SHLD1: variants seen among roughly 807,000 people sequenced by gnomAD.
SHLD1 encodes the protein RINN1-REV7-interacting novel NHEJ regulator 3.
A neutral mutation model predicts 5.5 loss-of-function variants in SHLD1; 3 were observed. That is an observed-to-expected ratio of 0.54 (90% CI 0.25 to 1.40). The LOEUF (loss-of-function observed/expected upper bound fraction) is 1.40, where lower values mean the gene tolerates loss of function less well. Ranked by LOEUF, SHLD1 falls within the 40% of genes most tolerant of loss-of-function variation. The pLI is 0.15. For synonymous variants in SHLD1, 92 were observed against 94.3 expected (o/e 0.98, Z 0.14); for missense variants, 210 against 244.4 (o/e 0.86, Z 0.94).
intron 2 of SHLD1, among the ~76,000 whole-genome samples, chr20:5,827,554 G>GC (rs1253020085): frequency 1.3e-5 from 2 of 152,040 alleles, no homozygotes; most frequent in Non-Finnish European, 2.9e-5. Flanking sequence ...TCACCCACAG[G>GC]CCCCCCATCT....
At chr20:5,848,614 G>GTTCA (rs1007781671) in intron 2 of SHLD1, among the ~76,000 whole-genome samples, 1 of 152,190 alleles carries the variant, frequency 6.6e-6, no homozygotes, top group Non-Finnish European at 1.5e-5. Flanking sequence ...AGGACAATGT[G>GTTCA]TTCATTGCCA....
chr20:5,795,525 G>A (rs542866158), intron 2 of SHLD1, among the ~76,000 whole-genome samples: 33 of 149,048 alleles, frequency 2.2e-4, no homozygotes, highest in African/African-American at 8.2e-4. Context: ...CTTGAACCCG[G>A]GAGGCAGAGG....
At chr20:5,819,881 T>A (rs756257689) in intron 2 of SHLD1, among the ~76,000 whole-genome samples, 10 of 152,046 alleles carry the variant, frequency 6.6e-5, no homozygotes, top group Non-Finnish European at 1.3e-4. Flanking sequence ...ACCTTTGTGT[T>A]GTGCCTAAAA....
intron 2 of SHLD1, among the ~76,000 whole-genome samples, chr20:5,801,945 T>C (rs969781868): frequency 4.6e-5 from 7 of 152,084 alleles, no homozygotes; most frequent in African/African-American, 7.2e-5. Flanking sequence ...GTACTGTGTG[T>C]GCTACATTGG....
At chr20:5,764,348 A>G (rs1000150047) in intron 1 of SHLD1, among the ~76,000 whole-genome samples, 4 of 150,332 alleles carry the variant, frequency 2.7e-5, no homozygotes, top group Non-Finnish European at 4.4e-5. Flanking sequence ...ACAAATGAGT[A>G]TGGTTCTCCA....
chr20:5,783,343 C>T (rs1364712483), intron 2 of SHLD1, among the ~76,000 whole-genome samples: 2 of 152,154 alleles, frequency 1.3e-5, no homozygotes, highest in African/African-American at 2.4e-5. Flanking sequence ...CCTGCCTCAG[C>T]CTCCCGAGTA....
At chr20:5,779,632 A>T (rs1985596946) in intron 2 of SHLD1, among the ~76,000 whole-genome samples, 1 of 152,118 alleles carries the variant, frequency 6.6e-6, no homozygotes. Context: ...TCTCTTGCTT[A>T]CTTGCTGTTA....
intron 2 of SHLD1, among the ~76,000 whole-genome samples, chr20:5,819,527 A>C (rs1329824031): frequency 6.6e-6 from 1 of 152,210 alleles, no homozygotes; most frequent in African/African-American, 2.4e-5. Context: ...TTGTCATATT[A>C]AAACATCATG....
chr20:5,796,954 C>T (rs1456732795), intron 2 of SHLD1, among the ~76,000 whole-genome samples: 1 of 151,982 alleles, frequency 6.6e-6, no homozygotes, highest in African/African-American at 2.4e-5. Flanking sequence ...CTTCAACAGG[C>T]ATGAGAAGCT....
At chr20:5,794,759 T>C (rs1217868232) in intron 2 of SHLD1, among the ~76,000 whole-genome samples, 1 of 152,164 alleles carries the variant, frequency 6.6e-6, no homozygotes, top group Non-Finnish European at 1.5e-5. Flanking sequence ...GAGACTGTAT[T>C]AGATACTATG....
Position 5,863,273 on chromosome 20 carries a change from G to A in SHLD1, c.428G>A (p.Arg143His), listed in dbSNP as rs749245274. 29 of 1,614,018 alleles carry A rather than the reference G, an allele frequency of 1.8e-5. No individual in the cohort carries two copies. The highest frequency in any genetic ancestry group is 4.5e-5 in the East Asian group (2 of 44,896). Residue 143 changes from arginine to histidine, a missense_variant, in exon 3 of 3, where the codon CGC (arginine) becomes CAC (histidine). By Grantham distance (29) the Arg-to-His change is conservative. Coordinates refer to ENST00000303142, the MANE Select transcript of SHLD1 (RefSeq NM_152504.4). ...RGQESQKYAL[R>H]SFQMARVIFN... ...CAGGAGAGCCAAAAGTATGCCCTCC[G>A]CAGTTTTCAAATGGCCCGGGTGATC... is the stretch of plus-strand genomic sequence containing the variant.
intron 2 of SHLD1, among the ~76,000 whole-genome samples, chr20:5,774,676 C>T (rs1179093799): frequency 1.3e-5 from 2 of 152,074 alleles, no homozygotes; most frequent in African/African-American, 4.8e-5. Flanking sequence ...TTTTAAACAA[C>T]CAGATCTCAT....
At chr20:5,779,616 A>G (rs1458878704) in intron 2 of SHLD1, among the ~76,000 whole-genome samples, 2 of 152,092 alleles carry the variant, frequency 1.3e-5, no homozygotes, top group East Asian at 3.9e-4. Context: ...AGCCAGTTTG[A>G]TGTTCTCTCT....
intron 2 of SHLD1, among the ~76,000 whole-genome samples, chr20:5,781,077 T>G (rs900778419): frequency 2.1e-5 from 3 of 144,304 alleles, no homozygotes; most frequent in Non-Finnish European, 4.8e-5. Flanking sequence ...TATATATGTC[T>G]AATAAAGACA....
intron 2 of SHLD1, among the ~76,000 whole-genome samples, chr20:5,812,911 G>A (rs2087479140): frequency 6.6e-6 from 1 of 151,944 alleles, no homozygotes; most frequent in African/African-American, 2.4e-5. Flanking sequence ...GTCTCACTCT[G>A]TCACCCAGGC....
Position 5,760,583 on chromosome 20 carries a change from T to C in SHLD1, c.-5+10104T>C, listed in dbSNP as rs1442782036. On this transcript the variant is annotated intron_variant, in intron 1 of 2. Transcript: ENST00000303142. ...TGGCTTGCACCTGTAGTCCTGGCTA[T>C]CCGGGAGGCTGAGGCAGGAGAATTG... 2.0e-5 allele frequency among the ~76,000 whole-genome samples: 3 copies of C among 151,574 alleles called. No individual in the cohort carries two copies. The East Asian group carries it at 5.8e-4, about 29-fold the overall frequency.
rs536378390 is a variant in SHLD1, at chr20:5,779,576, A to G, written c.178+6533A>G. On this transcript the variant is annotated intron_variant, in intron 2 of 2. Transcript: ENST00000303142. ...CTAATCTCTACTGGGCCACCATTCT[A>G]TCTCAGATTCTTAACACCTCCAGTT... Among the ~76,000 whole-genome samples, 13 of 152,210 alleles carry G rather than the reference A, an allele frequency of 8.5e-5. No homozygotes were observed. In the South Asian group the frequency reaches 1.2e-3, roughly 15 times the overall value.
At chr20:5,787,983 T>G (rs951823907) in intron 2 of SHLD1, among the ~76,000 whole-genome samples, 6 of 152,194 alleles carry the variant, frequency 3.9e-5, no homozygotes, top group African/African-American at 1.4e-4. Flanking sequence ...AATGAACAGC[T>G]GTAAGGAGAT....
chr20:5,784,336 TA>T (rs1264097051), intron 2 of SHLD1, among the ~76,000 whole-genome samples: 5 of 152,002 alleles, frequency 3.3e-5, no homozygotes, highest in African/African-American at 1.2e-4. Flanking sequence ...TCTTTAAAAC[TA>T]AAAAAGTATA....
Sources: gnomAD v4.1 joint callset for allele counts (sites outside exome capture counted in the v4.1 genomes callset) on GRCh38, gnomAD v4.1.1 for gene constraint, MANE v1.5 for transcripts, NCBI Gene and HGNC (gene_info 2026-07-23, HGNC 2026-07-21) for gene names.